Variants in ERICH5 observed in about 807,000 individuals in gnomAD.
ERICH5 encodes glutamate-rich protein 5.
A neutral mutation model predicts 28.0 loss-of-function variants in ERICH5; 24 were observed. The ratio of observed to expected loss-of-function variants is 0.86; its 90% CI spans 0.62 to 1.21. The LOEUF (loss-of-function observed/expected upper bound fraction) is 1.21, where lower values mean the gene tolerates loss of function less well. Ranked by LOEUF, ERICH5 falls within the 50% of genes most tolerant of loss-of-function variation. The pLI is 0.00. For synonymous variants in ERICH5, 163 were observed against 157.6 expected (o/e 1.03, Z -0.25); for missense variants, 421 against 441.2 (o/e 0.95, Z 0.41).
intron 1 of ERICH5, among the ~76,000 whole-genome samples, chr8:98,075,903 GCC>G (rs1815043911): frequency 1.3e-5 from 2 of 150,338 alleles, no homozygotes; most frequent in Non-Finnish European, 2.9e-5. Context: ...ACCGTGCCTG[GCC>G]ACAGACACCT....
intron 1 of ERICH5, among the ~76,000 whole-genome samples, chr8:98,072,969 AG>A (rs775415744): frequency 1.4e-4 from 22 of 152,056 alleles, no homozygotes; most frequent in Non-Finnish European, 2.9e-4. Flanking sequence ...TCCTTTACTT[AG>A]TACTTAATCT....
intron 1 of ERICH5, among the ~76,000 whole-genome samples, chr8:98,075,789 T>TTTTTTTTTTTTTTTTTTTTTTTTTTTC (rs1815041844): frequency 7.1e-6 from 1 of 140,206 alleles, no homozygotes; most frequent in African/African-American, 2.6e-5. Context: ...ACCTGCCTTT[T>TTTTTTTTTTTTTTTTTTTTTTTTTTTC]TTTTTTTTTT....
intron 2 of ERICH5, among the ~76,000 whole-genome samples, chr8:98,091,993 C>CTT (rs1554621761): frequency 1.1e-4 from 6 of 55,082 alleles, no homozygotes; most frequent in African/African-American, 4.2e-4. Flanking sequence ...TCTCTCTCTC[C>CTT]CCTTCCTTCC....
At chr8:98,070,240 C>A (rs186345943) in intron 1 of ERICH5, among the ~76,000 whole-genome samples, 113 of 152,236 alleles carry the variant, frequency 7.4e-4, no homozygotes, top group African/African-American at 2.4e-3. Flanking sequence ...CATATGCAAT[C>A]AGCTGAGTGT....
Position 98,093,327 on chromosome 8 carries a change from C to T in ERICH5, c.1119C>T (p.Ala373=). ...GAGAAGTGGTGGACCTTTCAGCAGCCACATAGATAGAAGAGTGAACCGACA... is the reference window on the plus strand; with the variant it reads ...GAGAAGTGGTGGACCTTTCAGCAGCTACATAGATAGAAGAGTGAACCGACA... ...ETGEVVDLSA[A]T The change falls in exon 3 of 3, where the codon GCC becomes GCT. Residue 373 remains alanine, a synonymous_variant. Transcript: ENST00000318528. 6.2e-7 allele frequency: 1 copy of T among 1,610,742 alleles called. No homozygotes were observed. The highest frequency in any genetic ancestry group is 8.5e-7 in the Non-Finnish European group (1 of 1,177,384).
chr8:98,075,685 A>G (rs958136346), intron 1 of ERICH5, among the ~76,000 whole-genome samples: 3 of 151,280 alleles, frequency 2.0e-5, no homozygotes, highest in African/African-American at 4.9e-5. Context: ...CTTGAGGCCC[A>G]AATGTCTGGT....
chr8:98,081,523 C>T (rs1815182589), intron 1 of ERICH5, among the ~76,000 whole-genome samples: 1 of 152,180 alleles, frequency 6.6e-6, no homozygotes, highest in Non-Finnish European at 1.5e-5. Context: ...TGAGTATTAT[C>T]TCATGTAATC....
intron 1 of ERICH5, among the ~76,000 whole-genome samples, chr8:98,088,696 G>GA (rs1359566541): frequency 6.6e-6 from 1 of 152,124 alleles, no homozygotes; most frequent in East Asian, 1.9e-4. Context: ...AACAAAAATG[G>GA]AAAAAAAATT....
At chr8:98,066,286 A>G (rs1814818762) in intron 1 of ERICH5, among the ~76,000 whole-genome samples, 2 of 152,222 alleles carry the variant, frequency 1.3e-5, no homozygotes, top group Admixed American at 1.3e-4. Flanking sequence ...GAGGGAAAAC[A>G]GATGCTTCAG....
rs1358912193 is a variant in ERICH5 at position 98,064,631 on chromosome 8, A to C, written c.-39A>C. The C allele has an allele frequency of 6.8e-7, 1 of 1,474,124 alleles. No individual in the cohort carries two copies. Among genetic ancestry groups the C allele is most frequent in the African/African-American group, 1.4e-5 (1 of 70,862 alleles). 91.3% of individuals were successfully genotyped at this position (1,474,124 alleles called of 1,614,324 possible). A position where few individuals can be genotyped will look rare whatever the true frequency, so the allele number is the denominator to read the frequency against. ...CTTCGGTTCCCGGTTCCGGGCCGAC[A>C]CCCGCGCAGGGCTGAGACAGGTGTC... On this transcript the variant is annotated 5_prime_UTR_variant, in exon 1 of 3. Coordinates refer to ENST00000318528, the MANE Select transcript of ERICH5 (RefSeq NM_173549.3).
At chr8:98,068,622 G>A (rs775710710) in intron 1 of ERICH5, among the ~76,000 whole-genome samples, 3 of 152,158 alleles carry the variant, frequency 2.0e-5, no homozygotes, top group Non-Finnish European at 2.9e-5. Context: ...ACCTTAATGT[G>A]CCTGAAGGTG....
At chr8:98,082,954 C>T (rs1382221236) in intron 1 of ERICH5, among the ~76,000 whole-genome samples, 9 of 152,214 alleles carry the variant, frequency 5.9e-5, no homozygotes, top group Non-Finnish European at 1.3e-4. Flanking sequence ...ATTGACGGAT[C>T]ACTTGGACAC....
rs1300447195 is a variant in ERICH5, at chr8:98,064,592, A to G, written c.-78A>G. 2 of 1,257,524 alleles carry G rather than the reference A, an allele frequency of 1.6e-6. No individual in the cohort carries two copies. Among genetic ancestry groups the G allele is most frequent in the Admixed American group, 2.5e-5 (1 of 40,750 alleles). 77.9% of individuals were successfully genotyped at this position (1,257,524 alleles called of 1,614,324 possible). On this transcript the variant is annotated 5_prime_UTR_variant, in exon 1 of 3. Coordinates refer to ENST00000318528, the MANE Select transcript of ERICH5 (RefSeq NM_173549.3). The stretch of plus-strand genomic sequence containing the variant: ...CAGAGCTGGAGAAACTTCCGCGGCT[A>G]CGGGTGCAGTTGCCTTCGGTTCCCG...
At chr8:98,068,646 A>G (rs1044995248) in intron 1 of ERICH5, among the ~76,000 whole-genome samples, 2 of 152,192 alleles carry the variant, frequency 1.3e-5, no homozygotes, top group African/African-American at 4.8e-5. Context: ...ATAGACGTTC[A>G]CATCCAAACC....
At chr8:98,064,808 C>T (rs774064548) in intron 1 of ERICH5, 81 bp downstream of exon 1, 5 of 1,127,814 alleles carry the variant, frequency 4.4e-6, no homozygotes, top group Non-Finnish European at 4.9e-6. Flanking sequence ...AAGGGTGTGT[C>T]CCGTGGCCAC....
At chr8:98,087,413 C>T (rs1457897212) in intron 1 of ERICH5, among the ~76,000 whole-genome samples, 2 of 151,034 alleles carry the variant, frequency 1.3e-5, no homozygotes, top group African/African-American at 2.4e-5. Context: ...ACTGCATGCA[C>T]ATATGACTGA....
At position 98,078,701 on chromosome 8, in the gene ERICH5, C is replaced by T. The variant is rs546827406; in HGVS notation, c.59-10375C>T. Among the ~76,000 whole-genome samples, 10 of 152,276 alleles carry T rather than the reference C, an allele frequency of 6.6e-5. No homozygotes were observed. The East Asian group carries it at 1.7e-3, about 26-fold the overall frequency. The stretch of plus-strand genomic sequence containing the variant: ...TATAACAAGGGTTCTGTTAGTTCAG[C>T]TGTCACAATGAATTTGTGCATGGAT... On this transcript the variant is annotated intron_variant, in intron 1 of 2. Coordinates refer to ENST00000318528, the MANE Select transcript of ERICH5 (RefSeq NM_173549.3).
chr8:98,076,002 A>G (rs1290940840), intron 1 of ERICH5, among the ~76,000 whole-genome samples: 1 of 151,872 alleles, frequency 6.6e-6, no homozygotes, highest in Non-Finnish European at 1.5e-5. Flanking sequence ...GCCACATCAC[A>G]TTGGTGAGGT....
intron 1 of ERICH5, among the ~76,000 whole-genome samples, chr8:98,071,795 G>C (rs183143456): frequency 6.6e-6 from 1 of 151,982 alleles, no homozygotes; most frequent in Non-Finnish European, 1.5e-5. Flanking sequence ...AATTGCCTTC[G>C]GGCTCTCAAG....
Sources: gnomAD v4.1 joint callset for allele counts (sites outside exome capture counted in the v4.1 genomes callset) on GRCh38, gnomAD v4.1.1 for gene constraint, MANE v1.5 for transcripts, NCBI Gene and HGNC (gene_info 2026-07-23, HGNC 2026-07-21) for gene names.